Variants in LINGO1 observed in about 807,000 individuals in gnomAD.
The protein encoded by LINGO1 is leucine rich repeat and Ig domain containing 1.
LINGO1 carries 11 observed loss-of-function variants against 37.3 expected under a neutral mutation model. The observed-to-expected ratio is 0.29, with a 90% CI of 0.19 to 0.49. LINGO1 has a LOEUF of 0.49. Among genes scored for constraint, LINGO1 ranks in the 20% least tolerant of loss-of-function variants. LINGO1 has a pLI of 0.99. For missense variants in LINGO1, 585 were observed against 878.2 expected (o/e 0.67, Z 4.22); for synonymous variants, 387 against 403.0 (o/e 0.96, Z 0.48).
At chr15:77,737,848 C>T (rs916817692) in intron 1 of LINGO1, among the ~76,000 whole-genome samples, 1 of 151,618 alleles carries the variant, frequency 6.6e-6, no homozygotes, top group African/African-American at 2.4e-5. Context: ...CATCCGAGGC[C>T]CCAGGGCTCA....
intron 1 of LINGO1, among the ~76,000 whole-genome samples, chr15:77,766,606 T>C (rs1440592227): frequency 1.3e-5 from 2 of 152,098 alleles, no homozygotes; most frequent in East Asian, 1.9e-4. Flanking sequence ...GTGAAGTGAG[T>C]GCGTTCTCAT....
chr15:77,773,625 C>A (rs1428635564), intron 1 of LINGO1, among the ~76,000 whole-genome samples: 1 of 152,174 alleles, frequency 6.6e-6, no homozygotes, highest in African/African-American at 2.4e-5. Flanking sequence ...CCTCTCGGCA[C>A]AAGCGACCCT....
chr15:77,738,539 C>G (rs542314010), intron 1 of LINGO1, among the ~76,000 whole-genome samples: 1 of 152,188 alleles, frequency 6.6e-6, no homozygotes, highest in Non-Finnish European at 1.5e-5. Context: ...GCCCACCATG[C>G]ACCCCAGTCT....
intron 1 of LINGO1, among the ~76,000 whole-genome samples, chr15:77,631,069 G>C (rs1421587278): frequency 1.3e-5 from 2 of 152,200 alleles, no homozygotes; most frequent in African/African-American, 2.4e-5. Flanking sequence ...GACACTCTGC[G>C]CTGGATCTGG....
rs1294781367 is a variant in LINGO1 at position 77,679,734 on chromosome 15, C to T, written c.-98-2560G>A. Among the ~76,000 whole-genome samples the T allele has an allele frequency of 5.3e-5, 8 of 152,328 alleles. 1 individual carries two copies. The highest frequency in any genetic ancestry group is 1.9e-4 in the African/African-American group (8 of 41,578). ...CTAAATGCAACACCCATGGAGGATC[C>T]ATTGTCCTTGTAAACTCTGTATCTG... is the stretch of plus-strand genomic sequence containing the variant. On this transcript the variant is annotated intron_variant, in intron 2 of 3. Coordinates refer to the LINGO1 transcript ENST00000559893.
intron 2 of LINGO1, among the ~76,000 whole-genome samples, chr15:77,678,826 T>A (rs1335494633): frequency 1.3e-5 from 2 of 152,176 alleles, no homozygotes; most frequent in Non-Finnish European, 2.9e-5. Flanking sequence ...TGCCAACACT[T>A]GGTATTAGAC....
chr15:77,705,440 G>A (rs990104062), intron 2 of LINGO1, among the ~76,000 whole-genome samples: 1 of 152,156 alleles, frequency 6.6e-6, no homozygotes, highest in Non-Finnish European at 1.5e-5. Context: ...GGTGGCCCCA[G>A]GGCTCCCGTC....
upstream of LINGO1, among the ~76,000 whole-genome samples, chr15:77,637,148 C>A (rs1191050553): frequency 2.0e-5 from 3 of 152,248 alleles, no homozygotes; most frequent in East Asian, 5.8e-4. The surrounding 1 kb of genome is among the most constrained non-coding windows in gnomAD (Gnocchi z 4.6). Context: ...GGATCCTCCA[C>A]ATCCTGCATG....
At chr15:77,799,143 C>T (rs1285420286) in intron 1 of LINGO1, among the ~76,000 whole-genome samples, 1 of 152,172 alleles carries the variant, frequency 6.6e-6, no homozygotes, top group Non-Finnish European at 1.5e-5. Context: ...GACCTGAGCC[C>T]CTCTGATCAA....
intron 2 of LINGO1, among the ~76,000 whole-genome samples, chr15:77,709,501 G>A (rs917932061): frequency 3.3e-5 from 5 of 152,228 alleles, no homozygotes; most frequent in African/African-American, 4.8e-5. Context: ...CATCCTGACC[G>A]CCAGTTTGGG....
intron 1 of LINGO1, among the ~76,000 whole-genome samples, chr15:77,744,100 C>T (rs28455512): frequency 1.3e-3 from 200 of 152,302 alleles, no homozygotes; most frequent in African/African-American, 4.6e-3. Context: ...TCTCCCCAAA[C>T]GAGGCCTGGA....
At chr15:77,698,195 C>A (rs1596124914), upstream of LINGO1, among the ~76,000 whole-genome samples, 8 of 152,252 alleles carry the variant, frequency 5.3e-5, 2 homozygotes, top group Admixed American at 5.2e-4. Flanking sequence ...ACGGCAGTTA[C>A]AATCCACAGT....
At chr15:77,819,727 C>G (rs1404882101) in intron 1 of LINGO1, among the ~76,000 whole-genome samples, 3 of 151,178 alleles carry the variant, frequency 2.0e-5, no homozygotes, top group African/African-American at 7.3e-5. Flanking sequence ...AGGTGCCCCG[C>G]TGCTCCCCGT....
intron 1 of LINGO1, among the ~76,000 whole-genome samples, chr15:77,620,419 T>G (rs865814132): frequency 2.6e-5 from 4 of 152,224 alleles, no homozygotes; most frequent in African/African-American, 9.6e-5. Context: ...TCCTAGGCTC[T>G]GCGCTGCCCC....
At chr15:77,672,913 T>G (rs937062944) in intron 3 of LINGO1, among the ~76,000 whole-genome samples, 4 of 151,934 alleles carry the variant, frequency 2.6e-5, no homozygotes, top group African/African-American at 7.3e-5. Context: ...ACTTCCTAAA[T>G]CTCTCCCCAG....
intron 1 of LINGO1, among the ~76,000 whole-genome samples, chr15:77,630,442 T>C (rs1056314332): frequency 6.6e-6 from 1 of 152,126 alleles, no homozygotes; most frequent in East Asian, 1.9e-4. Flanking sequence ...TTTGGGGGGT[T>C]GGGGTGGGGG....
chr15:77,654,391 G>A (rs1460098575), intron 3 of LINGO1, among the ~76,000 whole-genome samples: 2 of 152,204 alleles, frequency 1.3e-5, no homozygotes, highest in African/African-American at 4.8e-5. Flanking sequence ...TAAGTGAGTG[G>A]CAAAGTTAAG....
intron 1 of LINGO1, among the ~76,000 whole-genome samples, chr15:77,806,745 C>A (rs946200459): frequency 6.6e-6 from 1 of 152,140 alleles, no homozygotes; most frequent in African/African-American, 2.4e-5. Flanking sequence ...CCTCTCCCCA[C>A]AGCACAGGCA....
chr15:77,812,844 G>C (rs1302948673), intron 1 of LINGO1, among the ~76,000 whole-genome samples: 1 of 152,260 alleles, frequency 6.6e-6, no homozygotes, highest in East Asian at 1.9e-4. Flanking sequence ...GGGACAGGGA[G>C]GGCCGTATCT....
Sources: gnomAD v4.1 joint callset for allele counts (sites outside exome capture counted in the v4.1 genomes callset) on GRCh38, gnomAD v4.1.1 for gene constraint, Gnocchi (gnomAD v3.1) non-coding constraint, MANE v1.5 for transcripts, NCBI Gene and HGNC (gene_info 2026-07-23, HGNC 2026-07-21) for gene names.